The following TENM2 variants were observed in gnomAD, a reference collection of about 807,000 sequenced individuals.
The protein encoded by TENM2 is teneurin transmembrane protein 2.
TENM2 carries 52 observed loss-of-function variants against 245.2 expected under a neutral mutation model. That is an observed-to-expected ratio of 0.21 (90% confidence interval 0.17 to 0.27). The LOEUF (loss-of-function observed/expected upper bound fraction) is 0.27. TENM2 is among the 10% of genes least tolerant of loss of function. The pLI, the probability that TENM2 is intolerant of heterozygous loss-of-function variation, is 1.00. For missense variants in TENM2, 3,046 were observed against 3,666.8 expected (o/e 0.83, Z 4.37); for synonymous variants, 1,363 against 1,438.9 (o/e 0.95, Z 1.19).
chr5:168,008,177 G>A (rs1784969937), intron 5 of TENM2, among the ~76,000 whole-genome samples: 1 of 152,136 alleles, frequency 6.6e-6, no homozygotes, highest in Admixed American at 6.5e-5. Flanking sequence ...CCCAGACCTG[G>A]GAAGATGGTT....
At chr5:167,693,493 C>G (rs536304237) in intron 2 of TENM2, among the ~76,000 whole-genome samples, 7 of 152,172 alleles carry the variant, frequency 4.6e-5, no homozygotes, top group African/African-American at 1.7e-4. Flanking sequence ...TTGATTCGGG[C>G]TATTCAAAAT....
intron 2 of TENM2, among the ~76,000 whole-genome samples, chr5:167,442,433 T>A (rs1357262348): frequency 6.6e-6 from 1 of 152,172 alleles, no homozygotes; most frequent in African/African-American, 2.4e-5. Flanking sequence ...AGAACAGTTT[T>A]TAATGTTTAT....
chr5:166,979,544 A>C, the TENM2 span, among the ~76,000 whole-genome samples: 1 of 151,784 alleles, frequency 6.6e-6, no homozygotes, highest in African/African-American at 2.4e-5. Context: ...TTCACTTCTT[A>C]CTCTTTAATG....
chr5:167,557,348 A>G (rs1773321363), intron 2 of TENM2, among the ~76,000 whole-genome samples: 1 of 152,204 alleles, frequency 6.6e-6, no homozygotes, highest in Non-Finnish European at 1.5e-5. Context: ...GGAAAGCAAA[A>G]AAGCTAAGAG....
the TENM2 span, among the ~76,000 whole-genome samples, chr5:167,121,256 G>T: frequency 6.6e-6 from 1 of 152,066 alleles, no homozygotes; most frequent in Non-Finnish European, 1.5e-5. Flanking sequence ...ATATCCAATG[G>T]CAGCTGAAGA....
chr5:167,800,898 G>A (rs373100456), intron 2 of TENM2, among the ~76,000 whole-genome samples: 64 of 151,862 alleles, frequency 4.2e-4, no homozygotes, highest in African/African-American at 1.5e-3. Flanking sequence ...GATATAGCCA[G>A]TAGTCCCAGT....
intron 2 of TENM2, among the ~76,000 whole-genome samples, chr5:167,492,280 C>A (rs1582194326): frequency 6.6e-6 from 1 of 152,094 alleles, no homozygotes; most frequent in Non-Finnish European, 1.5e-5. Context: ...TCATTCTCAT[C>A]ATTCCTGCTT....
At chr5:167,241,371 CAATAT>C in the TENM2 span, among the ~76,000 whole-genome samples, 1 of 152,062 alleles carries the variant, frequency 6.6e-6, no homozygotes, top group Non-Finnish European at 1.5e-5. Flanking sequence ...GCTCTGGAAG[CAATAT>C]ATAGGGTATT....
chr5:167,639,159 T>G (rs1363265676), intron 2 of TENM2, among the ~76,000 whole-genome samples: 1 of 152,246 alleles, frequency 6.6e-6, no homozygotes, highest in Non-Finnish European at 1.5e-5. Flanking sequence ...CTAATTATTA[T>G]TTGAGTTGCC....
At chr5:167,676,879 G>A (rs1042931633) in intron 2 of TENM2, among the ~76,000 whole-genome samples, 1 of 152,050 alleles carries the variant, frequency 6.6e-6, no homozygotes, top group Non-Finnish European at 1.5e-5. Context: ...ACTCTTATGT[G>A]TTTTGTCATC....
chr5:167,737,852 C>T (rs1330826922), intron 2 of TENM2, among the ~76,000 whole-genome samples: 1 of 152,194 alleles, frequency 6.6e-6, no homozygotes, highest in Non-Finnish European at 1.5e-5. Flanking sequence ...AATGAGACCT[C>T]TGCTTAAAGG....
intron 2 of TENM2, among the ~76,000 whole-genome samples, chr5:167,470,691 G>C (rs551992262): frequency 5.9e-5 from 9 of 151,878 alleles, no homozygotes; most frequent in Non-Finnish European, 1.2e-4. Flanking sequence ...ATCTGAAAGA[G>C]GCCAAATCAA....
At chr5:167,199,532 C>T in the TENM2 span, among the ~76,000 whole-genome samples, 1 of 152,216 alleles carries the variant, frequency 6.6e-6, no homozygotes, top group African/African-American at 2.4e-5. Flanking sequence ...ATCTAATCTA[C>T]ACAGTTCTCT....
At chr5:168,078,598 A>C (rs2152174728) in intron 7 of TENM2, among the ~76,000 whole-genome samples, 1 of 152,168 alleles carries the variant, frequency 6.6e-6, no homozygotes, top group South Asian at 2.1e-4. Flanking sequence ...TTTTGAATTA[A>C]TTTTTTTATA....
At chr5:167,596,191 G>A (rs974873040) in intron 2 of TENM2, among the ~76,000 whole-genome samples, 10 of 152,170 alleles carry the variant, frequency 6.6e-5, no homozygotes, top group South Asian at 4.2e-4. Flanking sequence ...GTGTCAGACC[G>A]TTTACTGTCA....
At chr5:167,469,580 T>A (rs1232679762) in intron 2 of TENM2, among the ~76,000 whole-genome samples, 1 of 152,160 alleles carries the variant, frequency 6.6e-6, no homozygotes, top group African/African-American at 2.4e-5. Context: ...CTTATGAAGT[T>A]TATAATGCAA....
At chr5:167,405,062 T>C (rs1376560426) in intron 2 of TENM2, among the ~76,000 whole-genome samples, 2 of 152,194 alleles carry the variant, frequency 1.3e-5, no homozygotes, top group Non-Finnish European at 2.9e-5. Flanking sequence ...GACTGGAGTC[T>C]TTCATTTAGC....
intron 2 of TENM2, among the ~76,000 whole-genome samples, chr5:167,799,394 A>G (rs1245825114): frequency 6.6e-6 from 1 of 152,190 alleles, no homozygotes; most frequent in East Asian, 1.9e-4. Context: ...CTTTCTTTTC[A>G]CTGTATTTAT....
the TENM2 span, among the ~76,000 whole-genome samples, chr5:167,076,462 T>G: frequency 6.6e-6 from 1 of 152,262 alleles, no homozygotes; most frequent in East Asian, 1.9e-4. Flanking sequence ...AACCATACTT[T>G]AGGGAGAAGT....
Sources: gnomAD v4.1 joint callset for allele counts (sites outside exome capture counted in the v4.1 genomes callset) on GRCh38, gnomAD v4.1.1 for gene constraint, MANE v1.5 for transcripts, NCBI Gene and HGNC (gene_info 2026-07-23, HGNC 2026-07-21) for gene names.